The following TRA2A variants were observed in gnomAD, a reference collection of about 807,000 sequenced individuals.
TRA2A encodes the protein transformer 2 alpha homolog.
A neutral mutation model predicts 45.7 loss-of-function variants in TRA2A; 31 were observed. The observed-to-expected ratio is 0.68, with a 90% CI of 0.51 to 0.92. The LOEUF (loss-of-function observed/expected upper bound fraction) is 0.92. TRA2A is among the 40% of genes least tolerant of loss of function. The pLI is 0.00. For synonymous variants in TRA2A, 132 were observed against 126.2 expected (o/e 1.05, Z -0.31); for missense variants, 304 against 367.5 (o/e 0.83, Z 1.41).
chr7:23,516,230 A>T, intron 3 of TRA2A, 133 bp downstream of exon 3: 1 of 785,166 alleles, frequency 1.3e-6, no homozygotes, highest in Non-Finnish European at 2.0e-6. Context: ...TTTGAAAGCT[A>T]AAGCAGCTTA....
intron 1 of TRA2A, among the ~76,000 whole-genome samples, chr7:23,524,687 T>G (rs1790268740): frequency 1.1e-5 from 1 of 90,230 alleles, no homozygotes; most frequent in African/African-American, 5.6e-5. Flanking sequence ...CACTATGATT[T>G]TAACTATTTT....
In TRA2A at chr7:23,526,493, C is replaced by T. The variant is rs535156838; in HGVS notation, c.37-4653G>A. Among the ~76,000 whole-genome samples the T allele has an allele frequency of 5.9e-5, 9 of 152,152 alleles. No homozygotes were observed. The East Asian group carries it at 1.5e-3, about 26-fold the overall frequency. On this transcript the variant is annotated intron_variant, in intron 1 of 7. Coordinates refer to ENST00000297071, the MANE Select transcript of TRA2A (RefSeq NM_013293.5). The stretch of plus-strand genomic sequence containing the variant: ...GTACCCAAAAAGAAGGGAAATGTAC[C>T]GAAATTATTCAAATACCTTACAATA...
intron 1 of TRA2A, 105 bp downstream of exon 1, chr7:23,531,684 T>A (rs1037824884): frequency 1.6e-6 from 2 of 1,240,964 alleles, no homozygotes; most frequent in Non-Finnish European, 2.3e-6. Context: ...GCTCCAGAGG[T>A]TGCTCCTCGC....
intron 2 of TRA2A, among the ~76,000 whole-genome samples, chr7:23,516,879 G>A (rs769157487): frequency 6.6e-6 from 1 of 152,054 alleles, no homozygotes; most frequent in Non-Finnish European, 1.5e-5. Context: ...GGAGGCCGAC[G>A]CGAGCAGATC....
intron 5 of TRA2A, among the ~76,000 whole-genome samples, chr7:23,506,679 TAAGTAACTCTGG>T (rs1040204926): frequency 2.0e-5 from 3 of 152,238 alleles, no homozygotes; most frequent in African/African-American, 7.2e-5. Flanking sequence ...CAAGAATTTT[TAAGTAACTCTGG>T]ACACCAAAGA....
chr7:23,529,477 C>T (rs765284609), intron 1 of TRA2A, among the ~76,000 whole-genome samples: 1 of 152,082 alleles, frequency 6.6e-6, no homozygotes, highest in East Asian at 1.9e-4. Context: ...GCAGGCTAGT[C>T]TCGAACTCCT....
In TRA2A at chr7:23,505,296, A is replaced by T; in HGVS notation, c.*263T>A. The T allele has an allele frequency of 1.9e-5, 7 of 365,042 alleles. No individual in the cohort carries two copies. The highest frequency in any genetic ancestry group is 1.3e-4 in the South Asian group (1 of 7,686). 22.6% of individuals were successfully genotyped at this position (365,042 alleles called of 1,614,324 possible). ...TATCTAGGTAAAAGCAAAAAAAAAA[A>T]TTTACAAAGCATAACATAACATTGG... On this transcript the variant is annotated 3_prime_UTR_variant, in exon 8 of 8. Transcript: ENST00000297071.
rs532860484 is a variant in TRA2A, at chr7:23,506,078, A to G, written c.770+60T>C. ...TTTATTCATATGTATCCAACATAAA[A>G]GTGCCAAGTAACACTACTATCATCT... is the stretch of plus-strand genomic sequence containing the variant. On this transcript the variant is annotated intron_variant, in intron 6 of 7. Coordinates refer to ENST00000297071, the MANE Select transcript of TRA2A (RefSeq NM_013293.5). 10 of 1,421,042 alleles carry G rather than the reference A, an allele frequency of 7.0e-6. No individual in the cohort carries two copies. The East Asian group carries it at 2.3e-4, about 33-fold the overall frequency. The allele number at this position is 1,421,042 out of a possible 1,614,324, so 88.0% of individuals were successfully genotyped here.
At chr7:23,526,127 T>C (rs953977431) in intron 1 of TRA2A, among the ~76,000 whole-genome samples, 5 of 152,210 alleles carry the variant, frequency 3.3e-5, no homozygotes, top group African/African-American at 1.2e-4. Flanking sequence ...GGTTATTATA[T>C]ACATGTACAC....
chr7:23,525,918 T>A (rs568749810), intron 1 of TRA2A, among the ~76,000 whole-genome samples: 4 of 152,272 alleles, frequency 2.6e-5, no homozygotes, highest in African/African-American at 9.6e-5. Context: ...CTATTCTTTA[T>A]TATCAAGATG....
intron 1 of TRA2A, among the ~76,000 whole-genome samples, chr7:23,523,089 A>AT (rs1790200923): frequency 6.6e-6 from 1 of 152,120 alleles, no homozygotes; most frequent in South Asian, 2.1e-4. Flanking sequence ...TGATATACAC[A>AT]TTTTTGCAAC....
chr7:23,509,229 C>G (rs1298819427), intron 4 of TRA2A, among the ~76,000 whole-genome samples: 1 of 152,076 alleles, frequency 6.6e-6, no homozygotes, highest in Non-Finnish European at 1.5e-5. Context: ...TTCCAAAAAT[C>G]AAAATTCTCT....
intron 1 of TRA2A, among the ~76,000 whole-genome samples, chr7:23,526,005 T>G (rs1033169103): frequency 1.7e-4 from 26 of 152,192 alleles, no homozygotes; most frequent in African/African-American, 6.3e-4. Flanking sequence ...AGTGTTATAG[T>G]GTAACCAATA....
At chr7:23,531,309 T>A (rs1316671450) in intron 1 of TRA2A, 46 of 949,172 alleles carry the variant, frequency 4.8e-5, no homozygotes, top group Non-Finnish European at 5.7e-5. Flanking sequence ...CCCCAGCTAG[T>A]CCCACGCCAG....
intron 2 of TRA2A, among the ~76,000 whole-genome samples, chr7:23,521,103 G>A (rs1299136497): frequency 6.6e-6 from 1 of 152,186 alleles, no homozygotes; most frequent in African/African-American, 2.4e-5. Context: ...CTCCAAATCA[G>A]CTAAGGACTT....
intron 4 of TRA2A, among the ~76,000 whole-genome samples, chr7:23,509,573 T>C (rs758750921): frequency 3.3e-5 from 5 of 151,362 alleles, no homozygotes; most frequent in Admixed American, 6.6e-5. Flanking sequence ...CCATCTCTAC[T>C]AAAAATACAA....
At chr7:23,514,067 A>ATTT (rs879501457) in intron 3 of TRA2A, among the ~76,000 whole-genome samples, 1 of 140,172 alleles carries the variant, frequency 7.1e-6, no homozygotes. Flanking sequence ...CGGCTAGTAG[A>ATTT]TTTTTTTTTT....
Position 23,522,698 on chromosome 7 carries a change from A to T in TRA2A, c.37-858T>A, listed in dbSNP as rs547121429. Among the ~76,000 whole-genome samples, 6 of 152,230 alleles carry T rather than the reference A, an allele frequency of 3.9e-5. No homozygotes were observed. The East Asian group carries it at 1.2e-3, about 29-fold the overall frequency. ...CCTCCCATGTTTCATTCTAGTTCCT[A>T]AAATGTGAGCAATTTTAATATAATT... On this transcript the variant is annotated intron_variant, in intron 1 of 7. Coordinates refer to ENST00000297071, the MANE Select transcript of TRA2A (RefSeq NM_013293.5).
chr7:23,517,493 A>AG (rs1281974754), intron 2 of TRA2A, among the ~76,000 whole-genome samples: 2 of 145,646 alleles, frequency 1.4e-5, no homozygotes, highest in African/African-American at 5.0e-5. Context: ...AAAAAAAAAA[A>AG]AAAAAAAAAA....
Sources: gnomAD v4.1 joint callset for allele counts (sites outside exome capture counted in the v4.1 genomes callset) on GRCh38, gnomAD v4.1.1 for gene constraint, MANE v1.5 for transcripts, NCBI Gene and HGNC (gene_info 2026-07-23, HGNC 2026-07-21) for gene names.